The following NAALADL2 variants were observed in gnomAD, a reference collection of about 807,000 sequenced individuals.
The protein encoded by NAALADL2 is inactive N-acetylated-alpha-linked acidic dipeptidase-like protein 2.
A neutral mutation model predicts 87.2 loss-of-function variants in NAALADL2; 76 were observed. The ratio of observed to expected loss-of-function variants is 0.87; its 90% confidence interval spans 0.72 to 1.05. The LOEUF (loss-of-function observed/expected upper bound fraction) is 1.05. Ranked by LOEUF, NAALADL2 falls within the 50% of genes least tolerant of loss-of-function variation. The pLI, the probability that NAALADL2 is intolerant of heterozygous loss-of-function variation, is 0.00. For synonymous variants in NAALADL2, 354 were observed against 331.0 expected (o/e 1.07, Z -0.75); for missense variants, 1,089 against 945.8 (o/e 1.15, Z -1.99).
At chr3:175,327,829 A>G (rs1760924184) in intron 5 of NAALADL2, among the ~76,000 whole-genome samples, 1 of 152,170 alleles carries the variant, frequency 6.6e-6, no homozygotes, top group Non-Finnish European at 1.5e-5. Context: ...GTCTATGTGA[A>G]TCCAATTTTA....
At chr3:174,578,669 C>T (rs1399796) in intron 2 of NAALADL2, among the ~76,000 whole-genome samples, 76,656 of 151,512 alleles carry the variant, frequency 0.51, 21,929 homozygotes, top group East Asian at 0.8. Flanking sequence ...CTTTGATGTA[C>T]GGGAAGGAAC....
intron 11 of NAALADL2, chr3:175,655,680 T>C (rs1419923742): frequency 2.0e-5 from 3 of 150,020 alleles, no homozygotes; most frequent in Non-Finnish European, 4.4e-5. Context: ...GGCACTGCAC[T>C]TGTACTTAAA....
At chr3:174,989,507 G>A (rs1024376538) in intron 1 of NAALADL2, among the ~76,000 whole-genome samples, 3 of 152,124 alleles carry the variant, frequency 2.0e-5, no homozygotes, top group Non-Finnish European at 2.9e-5. Context: ...AATCACATAT[G>A]TTTTATAATG....
chr3:174,681,766 G>A (rs1032260590), intron 2 of NAALADL2, among the ~76,000 whole-genome samples: 1 of 152,178 alleles, frequency 6.6e-6, no homozygotes, highest in African/African-American at 2.4e-5. Context: ...AGAGGGAAAT[G>A]TGAATAGGAC....
intron 2 of NAALADL2, among the ~76,000 whole-genome samples, chr3:174,706,659 T>C (rs1730098728): frequency 6.6e-6 from 1 of 152,236 alleles, no homozygotes; most frequent in African/African-American, 2.4e-5. Flanking sequence ...CATTTGTCAA[T>C]TTTGGCTTTT....
chr3:174,921,568 G>A (rs181023534), intron 1 of NAALADL2, among the ~76,000 whole-genome samples: 170 of 152,114 alleles, frequency 1.1e-3, no homozygotes, highest in African/African-American at 3.7e-3. Context: ...TTGGCAGGCC[G>A]AGGCAGGCGG....
intron 1 of NAALADL2, among the ~76,000 whole-genome samples, chr3:174,988,168 A>G (rs1437719239): frequency 2.0e-5 from 3 of 152,048 alleles, no homozygotes; most frequent in African/African-American, 7.2e-5. Flanking sequence ...GAATCAAAGA[A>G]CTCTGAGCTA....
chr3:174,489,215 G>A (rs1308964217), intron 1 of NAALADL2, among the ~76,000 whole-genome samples: 1 of 151,812 alleles, frequency 6.6e-6, no homozygotes, highest in African/African-American at 2.4e-5. Flanking sequence ...TTTTGACAAT[G>A]GTGCCAAAAC....
chr3:175,196,545 A>G (rs1739028803), intron 2 of NAALADL2, among the ~76,000 whole-genome samples: 2 of 151,904 alleles, frequency 1.3e-5, no homozygotes, highest in African/African-American at 4.8e-5. Context: ...GCTGGCATTA[A>G]ATTCTTCAGC....
intron 11 of NAALADL2, among the ~76,000 whole-genome samples, chr3:175,713,315 A>T (rs893126845): frequency 6.6e-6 from 1 of 152,150 alleles, no homozygotes; most frequent in African/African-American, 2.4e-5. Flanking sequence ...TTTCATCAAC[A>T]GTTCTGAACT....
rs897659986 is a variant in NAALADL2, at chr3:174,552,554, G to C, written c.-115+1917G>C. On this transcript the variant is annotated intron_variant, in intron 2 of 3. Coordinates refer to the NAALADL2 transcript ENST00000434257. ...TTATGCCTTTAGTCTCAGCACTTTG[G>C]GAGGCTGAGGCAGGCCTATTGCCTG... 2.0e-5 allele frequency among the ~76,000 whole-genome samples: 3 copies of C among 151,958 alleles called. No individual in the cohort carries two copies. In the East Asian group the frequency reaches 5.8e-4, roughly 29 times the overall value.
chr3:174,671,927 C>CCG, intron 2 of NAALADL2, among the ~76,000 whole-genome samples: 1 of 79,240 alleles, frequency 1.3e-5, no homozygotes, highest in South Asian at 4.1e-4. Context: ...ATGTTAACTA[C>CCG]TGTGATGATG....
intron 4 of NAALADL2, among the ~76,000 whole-genome samples, chr3:175,261,543 A>T (rs1751040909): frequency 6.6e-6 from 1 of 152,126 alleles, no homozygotes; most frequent in Non-Finnish European, 1.5e-5. Context: ...GCATAATTAA[A>T]TTACACAAAA....
chr3:175,482,228 T>C (rs1726582019), intron 9 of NAALADL2, among the ~76,000 whole-genome samples: 1 of 151,978 alleles, frequency 6.6e-6, no homozygotes. Flanking sequence ...TATAATTTTA[T>C]ATTCAGTGAA....
chr3:175,064,629 C>T (rs1342645911), intron 1 of NAALADL2, among the ~76,000 whole-genome samples: 2 of 152,184 alleles, frequency 1.3e-5, no homozygotes, highest in East Asian at 3.9e-4. Flanking sequence ...AACACTCTGA[C>T]CTCACTCTCC....
At chr3:175,369,766 T>C (rs997871297) in intron 5 of NAALADL2, 3 of 152,154 alleles carry the variant, frequency 2.0e-5, no homozygotes, top group Admixed American at 6.5e-5. Context: ...AGGCTCAAAG[T>C]GAAGAACTCA....
At chr3:175,131,655 G>C (rs1200529546) in intron 2 of NAALADL2, among the ~76,000 whole-genome samples, 1 of 152,152 alleles carries the variant, frequency 6.6e-6, no homozygotes, top group African/African-American at 2.4e-5. Context: ...ATGAGCTGTT[G>C]GGTACACCTC....
intron 1 of NAALADL2, among the ~76,000 whole-genome samples, chr3:174,880,478 C>T (rs997726774): frequency 4.6e-5 from 7 of 152,096 alleles, no homozygotes; most frequent in East Asian, 1.9e-4. Flanking sequence ...CTTTCACTAA[C>T]GCCCTCTGGT....
chr3:175,611,652 C>G (rs1346625399), intron 10 of NAALADL2, among the ~76,000 whole-genome samples: 1 of 151,990 alleles, frequency 6.6e-6, no homozygotes, highest in East Asian at 1.9e-4. Context: ...ACTGATTATT[C>G]TCAAATGAAA....
Sources: allele counts gnomAD v4.1 joint callset (sites outside exome capture counted in the v4.1 genomes callset), GRCh38; gene constraint gnomAD v4.1.1; transcripts MANE v1.5; gene names NCBI Gene and HGNC (gene_info 2026-07-23, HGNC 2026-07-21).